The following CD69 variants were observed in gnomAD, a reference collection of about 807,000 sequenced individuals.
The protein encoded by CD69 is early activation antigen CD69.
A neutral mutation model predicts 21.4 loss-of-function variants in CD69; 10 were observed. The observed-to-expected ratio is 0.47, with a 90% CI of 0.29 to 0.79. The LOEUF (loss-of-function observed/expected upper bound fraction) is 0.79. Ranked by LOEUF, CD69 falls within the 30% of genes least tolerant of loss-of-function variation. The probability of loss-of-function intolerance (pLI) is 0.09; values close to 1 mark genes in which losing one functional copy is unlikely to be tolerated. For missense variants in CD69, 204 were observed against 236.9 expected (o/e 0.86, Z 0.91); for synonymous variants, 63 against 78.2 (o/e 0.81, Z 1.03).
chr12:9,757,603 A>C (rs1383670262), intron 1 of CD69, among the ~76,000 whole-genome samples: 2 of 152,240 alleles, frequency 1.3e-5, no homozygotes, highest in African/African-American at 2.4e-5. Context: ...TGATACATGC[A>C]ACAAAATGAA....
At chr12:9,759,463 A>G (rs1275572862) in intron 1 of CD69, among the ~76,000 whole-genome samples, 1 of 150,370 alleles carries the variant, frequency 6.7e-6, no homozygotes, top group Non-Finnish European at 1.5e-5. Context: ...TCTTTCACCT[A>G]TGCTCTCTAT....
At chr12:9,759,310 A>T (rs1866711583) in intron 1 of CD69, among the ~76,000 whole-genome samples, 3 of 152,136 alleles carry the variant, frequency 2.0e-5, no homozygotes, top group Non-Finnish European at 4.4e-5. Context: ...ACATTAATGG[A>T]GAAGTTGAAA....
At chr12:9,754,852 C>A in intron 3 of CD69, 162 bp from the exon 4 acceptor site, 1 of 682,300 alleles carries the variant, frequency 1.5e-6, no homozygotes. Context: ...GTCTTTGAAG[C>A]TAAGCAATCA....
rs1866645689 is a variant in CD69, at chr12:9,753,388, T to C, written c.*93A>G. The C allele has an allele frequency of 3.8e-6, 2 of 522,654 alleles. No individual in the cohort carries two copies. The highest frequency in any genetic ancestry group is 4.0e-5 in the African/African-American group (2 of 50,242). 32.4% of individuals were successfully genotyped at this position (522,654 alleles called of 1,614,324 possible). A position where few individuals can be genotyped will look rare whatever the true frequency, so the allele number is the denominator to read the frequency against. ...ATAAAATTTTTTTTCACAAAGTCTC[T>C]ATGGAAGACTTCGGACCACAGAGCA... On this transcript the variant is annotated 3_prime_UTR_variant, in exon 5 of 5. Transcript: ENST00000228434.
chr12:9,755,426 A>G (rs1055772306), intron 2 of CD69, among the ~76,000 whole-genome samples, 165 bp from the exon 3 acceptor site: 6 of 152,232 alleles, frequency 3.9e-5, no homozygotes, highest in African/African-American at 1.4e-4. Flanking sequence ...AGTTCTCAGG[A>G]CCATATCTGA....
At chr12:9,756,260 A>G in intron 2 of CD69, 37 bp downstream of exon 2, 1 of 1,583,950 alleles carries the variant, frequency 6.3e-7, no homozygotes, top group South Asian at 1.1e-5. Context: ...GCTTACAGCT[A>G]GGAGGCTTTG....
At chr12:9,754,385 A>G (rs1350412656) in intron 4 of CD69, 2 of 383,632 alleles carry the variant, frequency 5.2e-6, no homozygotes, top group Non-Finnish European at 9.4e-6. Context: ...CATTTATTTT[A>G]TGTATTATAA....
rs1866648521 is a variant in CD69, at chr12:9,753,595, A to C, written c.492-6T>G. On this transcript the variant is annotated splice_polypyrimidine_tract_variant and splice_region_variant and intron_variant, in intron 4 of 4. Coordinates refer to ENST00000228434, the MANE Select transcript of CD69 (RefSeq NM_001781.2). The stretch of plus-strand genomic sequence containing the variant: ...CAGACCCTGTAACGTTGAACCTGTC[A>C]AACAATAAAAAAACTTAGAATTATT... 7.5e-7 allele frequency: 1 copy of C among 1,336,944 alleles called. No individual in the cohort carries two copies. The highest frequency in any genetic ancestry group is 1.5e-5 in the African/African-American group (1 of 68,406). The allele number at this position is 1,336,944 out of a possible 1,614,324, so 82.8% of individuals were successfully genotyped here.
chr12:9,759,229 G>A (rs964083517), intron 1 of CD69, among the ~76,000 whole-genome samples: 15 of 152,038 alleles, frequency 9.9e-5, no homozygotes, highest in Non-Finnish European at 2.1e-4. Context: ...GTTACCCACA[G>A]CTTGACTTAT....
intron 4 of CD69, 93 bp downstream of exon 4, chr12:9,754,494 C>G: frequency 1.3e-6 from 1 of 767,518 alleles, no homozygotes; most frequent in African/African-American, 1.7e-5. Flanking sequence ...AAGAGCTCAG[C>G]CTTTATATTT....
At chr12:9,760,385 T>A (rs1232788864) in intron 1 of CD69, among the ~76,000 whole-genome samples, 4 of 152,176 alleles carry the variant, frequency 2.6e-5, no homozygotes, top group Non-Finnish European at 5.9e-5. Context: ...TGATGGAGAA[T>A]AACTGGGCTA....
In CD69 at chr12:9,753,601, T is replaced by C. The variant is rs1565488574; in HGVS notation, c.492-12A>G. ...CTGTAACGTTGAACCTGTCAAACAA[T>C]AAAAAAACTTAGAATTATTTTCAGC... On this transcript the variant is annotated splice_polypyrimidine_tract_variant and intron_variant, in intron 4 of 4. Coordinates refer to ENST00000228434, the MANE Select transcript of CD69 (RefSeq NM_001781.2). 3 of 1,260,734 alleles carry C rather than the reference T, an allele frequency of 2.4e-6. No homozygotes were observed. The African/African-American group carries it at 4.5e-5, about 19-fold the overall frequency. The allele number at this position is 1,260,734 out of a possible 1,614,324, so 78.1% of individuals were successfully genotyped here.
chr12:9,759,487 A>G (rs1322695548), intron 1 of CD69, among the ~76,000 whole-genome samples: 1 of 149,596 alleles, frequency 6.7e-6, no homozygotes, highest in African/African-American at 2.4e-5. Context: ...TTGAGTAGTT[A>G]TTATTATTAT....
At chr12:9,760,031 GA>G (rs1170992627) in intron 1 of CD69, among the ~76,000 whole-genome samples, 1 of 152,140 alleles carries the variant, frequency 6.6e-6, no homozygotes, top group African/African-American at 2.4e-5. Context: ...CCAGAGATTG[GA>G]AAGGTTAAAT....
intron 1 of CD69, among the ~76,000 whole-genome samples, chr12:9,759,548 C>T (rs75249129): frequency 0.01 from 1,520 of 151,322 alleles, 24 homozygotes; most frequent in African/African-American, 0.035. Flanking sequence ...AGTAATGGCT[C>T]GCCTGATTAC....
Position 9,760,801 on chromosome 12 carries a change from A to G in CD69, c.20T>C (p.Phe7Ser), listed in dbSNP as rs772014183. Residue 7 changes from phenylalanine (F) to serine (S), a missense_variant, in exon 1 of 5, where the codon TTC becomes TCC. Transcript: ENST00000228434. MSSENCFVAENSSLHPE... is the reference protein window; with the variant it reads MSSENCSVAENSSLHPE... ...ATGCAAAGAGCTGTTCTCTGCTACG[A>G]AACAATTTTCAGAGCTCATCTTTAT... The G allele has an allele frequency of 2.5e-6, 4 of 1,612,506 alleles. No homozygotes were observed. The Admixed American group carries it at 5.0e-5, about 20-fold the overall frequency.
At position 9,755,225 on chromosome 12, in the gene CD69, G is replaced by A. The variant is rs771554433; in HGVS notation, c.224C>T (p.Ser75Leu). The A allele has an allele frequency of 4.3e-6, 7 of 1,614,060 alleles. No homozygotes were observed. The South Asian group carries it at 7.7e-5, about 18-fold the overall frequency. Reference sequence around the variant, plus strand: ...AGAAACATGGCTGTCTGATGGCATTGAGAATGTGTATTGGCCTGGACAATT... The same window carrying A: ...AGAAACATGGCTGTCTGATGGCATTAAGAATGTGTATTGGCCTGGACAATT... ...QYNCPGQYTF[S>L]MPSDSHVSSC... The change falls in exon 3 of 5, where the codon TCA (serine) becomes TTA (leucine). Residue 75 changes from serine to leucine, a missense_variant. Coordinates refer to ENST00000228434, the MANE Select transcript of CD69 (RefSeq NM_001781.2).
intron 1 of CD69, among the ~76,000 whole-genome samples, chr12:9,758,473 G>T (rs963014194): frequency 6.6e-6 from 1 of 152,050 alleles, no homozygotes; most frequent in Non-Finnish European, 1.5e-5. Flanking sequence ...TTATCTAAAG[G>T]TAAACTGGAC....
Position 9,759,024 on chromosome 12 carries a change from G to C in CD69, c.64+1733C>G, listed in dbSNP as rs766057725. Among the ~76,000 whole-genome samples the C allele has an allele frequency of 6.4e-3, 978 of 152,076 alleles. 7 individuals are homozygous for C. The highest frequency in any genetic ancestry group is 0.022 in the African/African-American group (910 of 41,420). On this transcript the variant is annotated intron_variant, in intron 1 of 4. Transcript: ENST00000228434. Reference sequence around the variant, plus strand: ...GGCTCACTGCAAGCTCCGCCTCCCGGGTTCACGCCATTCTCCTGCCTCAGC... The same window carrying C: ...GGCTCACTGCAAGCTCCGCCTCCCGCGTTCACGCCATTCTCCTGCCTCAGC...
Sources: gnomAD v4.1 joint callset for allele counts (sites outside exome capture counted in the v4.1 genomes callset) on GRCh38, gnomAD v4.1.1 for gene constraint, MANE v1.5 for transcripts, NCBI Gene and HGNC (gene_info 2026-07-23, HGNC 2026-07-21) for gene names.